Variants in HK3 observed in about 807,000 individuals in gnomAD.
HK3 encodes the protein hexokinase-3.
HK3 carries 93 observed loss-of-function variants against 91.0 expected under a neutral mutation model. That is an observed-to-expected ratio of 1.02 (90% CI 0.86 to 1.21). The LOEUF is 1.21. HK3 is among the 50% of genes most tolerant of loss of function. The probability of loss-of-function intolerance (pLI) is 0.00; values close to 1 mark genes in which losing one functional copy is unlikely to be tolerated. For missense variants in HK3, 1,235 were observed against 1,247.4 expected, an observed-to-expected ratio of 0.99 and a Z score of 0.15; for synonymous variants, 519 against 516.9, an observed-to-expected ratio of 1.00 and a Z score of -0.06.
chr5:176,889,413 C>A lies in HK3; in HGVS notation c.882G>T (p.Leu294=). 6.2e-7 allele frequency: 1 copy of A among 1,614,152 alleles called. No homozygotes were observed. Among genetic ancestry groups the A allele is most frequent in the Non-Finnish European group, 8.5e-7 (1 of 1,180,014 alleles). Reference sequence around the variant, plus strand: ...CACCAGGATTCAGGGACTCATGGTCCAGGGTATGGTCGAAGGTGGTCAGCA... The same window carrying A: ...CACCAGGATTCAGGGACTCATGGTCAAGGGTATGGTCGAAGGTGGTCAGCA... ...GPVLTTFDHT[L]DHESLNPGAQ... The change falls in exon 8 of 19, where the codon CTG becomes CTT. Residue 294 remains leucine, a synonymous_variant. Coordinates refer to ENST00000292432, the MANE Select transcript of HK3 (RefSeq NM_002115.3).
At position 176,882,001 on chromosome 5, in the gene HK3, A is replaced by G; in HGVS notation, c.2180T>C (p.Leu727Pro). The G allele has an allele frequency of 6.2e-7, 1 of 1,613,420 alleles. No individual in the cohort carries two copies. Among genetic ancestry groups the G allele is most frequent in the Non-Finnish European group, 8.5e-7 (1 of 1,180,008 alleles). ...AFGDDGSLAM[L>P]STRFDASVDQ... Reference sequence around the variant, plus strand: ...CACACTTGCATCAAAGCGGGTGCTGAGCATGGCCAGAGAGCCATCGTCCCC... The same window carrying G: ...CACACTTGCATCAAAGCGGGTGCTGGGCATGGCCAGAGAGCCATCGTCCCC... The change falls in exon 16 of 19, where the codon CTC becomes CCC. Residue 727 changes from leucine to proline, a missense_variant. By Grantham distance (98) the Leu-to-Pro change is moderately conservative (BLOSUM62 -3). Around this residue, in one of 3 missense-constraint regions of HK3, gnomAD observed 513 missense variants for 477.4 expected, o/e 1.07. Transcript: ENST00000292432.
At position 176,882,052 on chromosome 5, in the gene HK3, C is replaced by T; in HGVS notation, c.2129G>A (p.Cys710Tyr). 3 of 1,613,140 alleles carry T rather than the reference C, an allele frequency of 1.9e-6. No homozygotes were observed. Among genetic ancestry groups the T allele is most frequent in the Non-Finnish European group, 2.5e-6 (3 of 1,180,038 alleles). Residue 710 changes from cysteine (C) to tyrosine (Y), a missense_variant, in exon 16 of 19, where the codon TGC becomes TAC. Coordinates refer to ENST00000292432, the MANE Select transcript of HK3 (RefSeq NM_002115.3). ...AAAGGCGCCCCACTCCATGTTGATG[C>T]ACATGCGGCCTGAGTCCCCAGGCAC... ...AGVPGDSGRM[C>Y]INMEWGAFGD...
chr5:176,883,231 G>A (rs529443320), intron 15 of HK3, among the ~76,000 whole-genome samples: 3 of 152,280 alleles, frequency 2.0e-5, no homozygotes, highest in African/African-American at 4.8e-5. Context: ...GTCCCCTGTG[G>A]ACACAGGGTA....
intron 1 of HK3, 47 bp from the exon 2 acceptor site, chr5:176,896,232 C>A: frequency 9.2e-7 from 1 of 1,088,884 alleles, no homozygotes; most frequent in Middle Eastern, 2.1e-4. Context: ...ACTCTATAGG[C>A]CCTAGGAGTC....
Position 176,884,250 on chromosome 5 carries a change from T to G in HK3, c.1858-116A>C, listed in dbSNP as rs902195764. On this transcript the variant is annotated intron_variant, in intron 13 of 18. Transcript: ENST00000292432. This position sits in a 1 kb window ranked among gnomAD's most constrained non-coding sequence, Gnocchi z 4.1. ...GGCTTTCCACCCTCCCCAAGCACAA[T>G]TCCTTGCCTACTTTGCTGTATGGTT... The G allele has an allele frequency of 3.6e-6, 3 of 827,504 alleles. No individual in the cohort carries two copies. The highest frequency in any genetic ancestry group is 3.3e-5 in the African/African-American group (2 of 59,770). 51.3% of individuals were successfully genotyped at this position (827,504 alleles called of 1,614,324 possible).
In HK3 at chr5:176,891,566, C is replaced by G. The variant is rs1394827547; in HGVS notation, c.97-16G>C. 1 of 1,603,852 alleles carries G rather than the reference C, an allele frequency of 6.2e-7. No homozygotes were observed. ...ACTCCTGCACCTGGGGAGAAACAGG[C>G]CAACATCTGGGAAGGAGCACCATTG... is the stretch of plus-strand genomic sequence containing the variant. On this transcript the variant is annotated splice_polypyrimidine_tract_variant and intron_variant, in intron 2 of 18. Coordinates refer to ENST00000292432, the MANE Select transcript of HK3 (RefSeq NM_002115.3).
At chr5:176,891,652 C>A (rs913911724) in intron 2 of HK3, 102 bp from the exon 3 acceptor site, 12 of 1,184,222 alleles carry the variant, frequency 1.0e-5, no homozygotes, top group Non-Finnish European at 1.4e-5. Context: ...GCCCACTCCT[C>A]GGCTCTTCAT....
chr5:176,892,844 G>A (rs987116658), intron 2 of HK3, among the ~76,000 whole-genome samples: 2 of 152,210 alleles, frequency 1.3e-5, no homozygotes, highest in Non-Finnish European at 2.9e-5. Flanking sequence ...GGAAGAGAAT[G>A]GGAAACAGAT....
intron 10 of HK3, 50 bp downstream of exon 10, chr5:176,888,282 C>G (rs1412759407): frequency 1.4e-6 from 2 of 1,455,278 alleles, no homozygotes; most frequent in South Asian, 2.5e-5. Flanking sequence ...GTGTGTATCA[C>G]ACACACGTGT....
At chr5:176,883,942 C>A in intron 14 of HK3, 73 bp from the exon 15 acceptor site, 3 of 1,584,442 alleles carry the variant, frequency 1.9e-6, no homozygotes, top group Non-Finnish European at 2.6e-6. Flanking sequence ...ACCCAGAGGT[C>A]TCTACCGCAG....
rs1338684520 is a variant in HK3 at position 176,888,825 on chromosome 5, C to T, written c.954G>A (p.Leu318=). ...KMIGGLYLGE[L]VRLVLAHLAR... is the part of the protein sequence containing the mutation. ...CCAAGTGAGCCAGCACCAGCCGCAC[C>T]AGCTCACCCAGGTACAGGCCTCCGA... The change falls in exon 9 of 19, where the codon CTG becomes CTA. Residue 318 remains leucine (L), a synonymous_variant. Coordinates refer to ENST00000292432, the MANE Select transcript of HK3 (RefSeq NM_002115.3). The T allele has an allele frequency of 6.2e-7, 1 of 1,614,214 alleles. No individual in the cohort carries two copies. Among genetic ancestry groups the T allele is most frequent in the Admixed American group, 1.7e-5 (1 of 60,030 alleles).
At chr5:176,882,206 G>T in intron 15 of HK3, 79 bp from the exon 16 acceptor site, 1 of 1,458,170 alleles carries the variant, frequency 6.9e-7, no homozygotes, top group Non-Finnish European at 9.4e-7. Context: ...TACCGAGATG[G>T]CAACGATTCG....
In HK3 at chr5:176,888,536, G is replaced by T; in HGVS notation, c.1100C>A (p.Ala367Asp). The change falls in exon 10 of 19, where the codon GCT becomes GAT. Residue 367 changes from alanine (A) to aspartate (D), a missense_variant. Around this residue, in one of 3 missense-constraint regions of HK3, gnomAD observed 717 missense variants for 751.6 expected, o/e 0.95. Coordinates refer to ENST00000292432, the MANE Select transcript of HK3 (RefSeq NM_002115.3). ...GCTCAGGCCCAAGTCCTGCAGGATAGCATGGACACGGGCTGCCCCAGTAGA... is the reference window on the plus strand; with the variant it reads ...GCTCAGGCCCAAGTCCTGCAGGATATCATGGACACGGGCTGCCCCAGTAGA... ...DPSTGAARVH[A>D]ILQDLGLSPG... is the part of the protein sequence containing the mutation. 1.3e-6 allele frequency: 2 copies of T among 1,558,138 alleles called. No homozygotes were observed. The highest frequency in any genetic ancestry group is 1.7e-6 in the Non-Finnish European group (2 of 1,150,166).
intron 9 of HK3, 59 bp downstream of exon 9, chr5:176,888,650 T>C: frequency 6.2e-7 from 1 of 1,611,900 alleles, no homozygotes; most frequent in Non-Finnish European, 8.5e-7. Flanking sequence ...GGGAACAGAG[T>C]ATCATCCCCT....
chr5:176,894,476 C>T (rs184067399), intron 2 of HK3, among the ~76,000 whole-genome samples: 20 of 152,260 alleles, frequency 1.3e-4, no homozygotes, highest in East Asian at 9.6e-4. Flanking sequence ...GGGCAAGAAG[C>T]GAGGGAGGAG....
chr5:176,892,204 A>G (rs943909636), intron 2 of HK3, among the ~76,000 whole-genome samples: 2 of 152,194 alleles, frequency 1.3e-5, no homozygotes, highest in African/African-American at 4.8e-5. Flanking sequence ...GTGAACATAC[A>G]ATTTGGTTCC....
chr5:176,881,805 G>A lies in HK3; in HGVS notation c.2280C>T (p.Val760=), dbSNP rs781287772. The change falls in exon 17 of 19, where the codon GTC becomes GTT. Residue 760 remains valine (V), a synonymous_variant. Coordinates refer to ENST00000292432, the MANE Select transcript of HK3 (RefSeq NM_002115.3). The stretch of plus-strand genomic sequence containing the variant: ...TGGTTAAATGTAAAAGGATGTGGCG[G>A]ACGATCTCCCCCAGGTACATGCCGC... ...MISGMYLGEI[V]RHILLHLTSL... 5 of 1,614,122 alleles carry A rather than the reference G, an allele frequency of 3.1e-6. No individual in the cohort carries two copies. The South Asian group carries it at 5.5e-5, about 18-fold the overall frequency.
chr5:176,883,590 G>T (rs1758499537), intron 15 of HK3, among the ~76,000 whole-genome samples, 180 bp downstream of exon 15: 1 of 152,180 alleles, frequency 6.6e-6, no homozygotes, highest in Non-Finnish European at 1.5e-5. Context: ...GTCAGTCACT[G>T]AGCTGGACTA....
Position 176,890,680 on chromosome 5 carries a change from G to C in HK3, c.585C>G (p.Gly195=). ...TKGFRCSGVE[G]QDVVQLLRDA... ...CTCTCAGCAGCTGGACCACATCCTGGCCTTCCACACCACTGCACCTAAAAC... is the reference window on the plus strand; with the variant it reads ...CTCTCAGCAGCTGGACCACATCCTGCCCTTCCACACCACTGCACCTAAAAC... Residue 195 remains glycine (G), a synonymous_variant, in exon 6 of 19, where the codon GGC becomes GGG. Transcript: ENST00000292432. The C allele has an allele frequency of 3.1e-6, 5 of 1,614,118 alleles. No individual in the cohort carries two copies. Among genetic ancestry groups the C allele is most frequent in the Non-Finnish European group, 4.2e-6 (5 of 1,179,982 alleles).
Sources: allele counts gnomAD v4.1 joint callset (sites outside exome capture counted in the v4.1 genomes callset), GRCh38; gene constraint gnomAD v4.1.1; regional missense constraint gnomAD v4.1.1; non-coding constraint Gnocchi (gnomAD v3.1); transcripts MANE v1.5; gene names NCBI Gene and HGNC (gene_info 2026-07-23, HGNC 2026-07-21).